Variants in FARS2 observed in about 807,000 individuals in gnomAD.
FARS2 encodes the protein phenylalanine--tRNA ligase, mitochondrial.
In FARS2, 40 loss-of-function variants were observed where a neutral mutation model predicts 46.4. That is an observed-to-expected ratio of 0.86 (90% CI 0.67 to 1.12). The LOEUF (loss-of-function observed/expected upper bound fraction) is 1.12. Ranked by LOEUF, FARS2 falls within the 50% of genes most tolerant of loss-of-function variation. The pLI is 0.00. For missense variants in FARS2, 513 were observed against 567.9 expected, an observed-to-expected ratio of 0.90 and a Z score of 0.98; for synonymous variants, 234 against 214.9, an observed-to-expected ratio of 1.09 and a Z score of -0.78.
intron 4 of FARS2, among the ~76,000 whole-genome samples, chr6:5,537,151 A>T (rs1561694380): frequency 6.6e-6 from 1 of 152,124 alleles, no homozygotes; most frequent in South Asian, 2.1e-4. Flanking sequence ...CCCCAGTTTC[A>T]TATTCCACAC....
intron 5 of FARS2, among the ~76,000 whole-genome samples, chr6:5,584,749 C>T (rs1452835080): frequency 6.6e-6 from 1 of 152,100 alleles, no homozygotes; most frequent in Non-Finnish European, 1.5e-5. Context: ...CGAAATAAAT[C>T]TCTGAAAACA....
chr6:5,613,612 G>A (rs1775307182), intron 6 of FARS2, among the ~76,000 whole-genome samples: 1 of 152,162 alleles, frequency 6.6e-6, no homozygotes, highest in South Asian at 2.1e-4. Flanking sequence ...TCTTACCTTA[G>A]CATGTTCCAG....
At chr6:5,682,040 C>T (rs1237066473) in intron 6 of FARS2, among the ~76,000 whole-genome samples, 1 of 152,198 alleles carries the variant, frequency 6.6e-6, no homozygotes, top group Non-Finnish European at 1.5e-5. Flanking sequence ...GCTAAAAGGA[C>T]ACTTCCGACT....
intron 4 of FARS2, among the ~76,000 whole-genome samples, chr6:5,450,852 C>G (rs975516333): frequency 6.6e-6 from 1 of 152,060 alleles, no homozygotes; most frequent in Non-Finnish European, 1.5e-5. Context: ...TGGATACATG[C>G]CTTGGGCTGT....
intron 6 of FARS2, among the ~76,000 whole-genome samples, chr6:5,719,790 C>T (rs1411793848): frequency 6.6e-6 from 1 of 152,198 alleles, no homozygotes; most frequent in Non-Finnish European, 1.5e-5. Flanking sequence ...TCATTCAGCT[C>T]ATCTGAAAGC....
intron 5 of FARS2, among the ~76,000 whole-genome samples, chr6:5,596,260 G>A (rs1244712896): frequency 2.6e-5 from 4 of 152,250 alleles, no homozygotes; most frequent in East Asian, 3.9e-4. Flanking sequence ...GGAGTCACAC[G>A]CACCTCTGCT....
chr6:5,264,427 G>A (rs565643161), intron 1 of FARS2, among the ~76,000 whole-genome samples: 220 of 151,748 alleles, frequency 1.4e-3, no homozygotes, highest in Non-Finnish European at 1.6e-3. Flanking sequence ...TTCCTCATTC[G>A]TTCATTCCTT....
intron 1 of FARS2, among the ~76,000 whole-genome samples, chr6:5,263,315 G>T (rs1179369806): frequency 6.6e-6 from 1 of 152,144 alleles, no homozygotes; most frequent in Non-Finnish European, 1.5e-5. Context: ...GGGTAGCTTA[G>T]TCCTCTGTTA....
chr6:5,530,201 T>A (rs116349058), intron 4 of FARS2, among the ~76,000 whole-genome samples: 1,596 of 152,272 alleles, frequency 0.01, 30 homozygotes, highest in African/African-American at 0.036. Context: ...ACTTTTGTAG[T>A]GTTACAGCTG....
chr6:5,408,019 T>G (rs1332402800), intron 3 of FARS2, among the ~76,000 whole-genome samples: 1 of 152,200 alleles, frequency 6.6e-6, no homozygotes, highest in Non-Finnish European at 1.5e-5. Context: ...AGAATTTTTT[T>G]TAGCATCCTC....
intron 6 of FARS2, among the ~76,000 whole-genome samples, chr6:5,672,833 G>A (rs1310259507): frequency 1.3e-5 from 2 of 152,114 alleles, no homozygotes; most frequent in South Asian, 2.1e-4. Flanking sequence ...TCTTTCCCTG[G>A]AGTTTGGAGA....
chr6:5,453,861 A>G (rs150427828), intron 4 of FARS2, among the ~76,000 whole-genome samples: 1 of 152,262 alleles, frequency 6.6e-6, no homozygotes, highest in East Asian at 1.9e-4. Context: ...GAGGAACCGT[A>G]CGGGAGAGCC....
At chr6:5,409,176 C>T (rs550284673) in intron 3 of FARS2, among the ~76,000 whole-genome samples, 6 of 152,198 alleles carry the variant, frequency 3.9e-5, no homozygotes, top group South Asian at 2.1e-4. Flanking sequence ...TTGGGCCAGG[C>T]GCGGTGGCTC....
chr6:5,261,797 C>A (rs1328315394), intron 1 of FARS2, 137 bp downstream of exon 1: 1 of 152,174 alleles, frequency 6.6e-6, no homozygotes, highest in East Asian at 1.9e-4. Context: ...GGTTTTGTAA[C>A]CTAATAAATG....
intron 5 of FARS2, among the ~76,000 whole-genome samples, chr6:5,587,124 C>T (rs1206954705): frequency 6.6e-6 from 1 of 152,156 alleles, no homozygotes; most frequent in Non-Finnish European, 1.5e-5. Flanking sequence ...GCTCTTTGAC[C>T]TTTGTCAATT....
chr6:5,686,211 T>A (rs1457981314), intron 6 of FARS2, among the ~76,000 whole-genome samples: 60 of 120,346 alleles, frequency 5.0e-4, no homozygotes, highest in African/African-American at 1.9e-3. Flanking sequence ...TTTTTTTAAT[T>A]ATTATTATAC....
intron 3 of FARS2, among the ~76,000 whole-genome samples, chr6:5,414,612 A>G (rs1762113849): frequency 1.3e-5 from 2 of 152,198 alleles, no homozygotes; most frequent in South Asian, 4.1e-4. Context: ...GTTACTAAGT[A>G]GGGTATTACA....
At chr6:5,377,270 A>T (rs767224500) in intron 2 of FARS2, among the ~76,000 whole-genome samples, 5 of 152,190 alleles carry the variant, frequency 3.3e-5, no homozygotes, top group Non-Finnish European at 7.3e-5. Context: ...GTCGTGTTTC[A>T]CCAGATGCAC....
At chr6:5,280,181 A>C (rs956559663) in intron 1 of FARS2, among the ~76,000 whole-genome samples, 15 of 152,352 alleles carry the variant, frequency 9.8e-5, no homozygotes, top group African/African-American at 2.6e-4. Flanking sequence ...CCCTTGGCAT[A>C]AATAATGATA....
Sources: gnomAD v4.1 joint callset for allele counts (sites outside exome capture counted in the v4.1 genomes callset) on GRCh38, gnomAD v4.1.1 for gene constraint, MANE v1.5 for transcripts, NCBI Gene and HGNC (gene_info 2026-07-23, HGNC 2026-07-21) for gene names.